The following XKR9 variants were observed in gnomAD, a reference collection of about 807,000 sequenced individuals.
The protein encoded by XKR9 is XK related 9.
In XKR9, 32 loss-of-function variants were observed where a neutral mutation model predicts 32.0. The observed-to-expected ratio is 1.00, with a 90% CI of 0.76 to 1.34. The LOEUF (loss-of-function observed/expected upper bound fraction) is 1.34, where lower values mean the gene tolerates loss of function less well. Ranked by LOEUF, XKR9 falls within the 40% of genes most tolerant of loss-of-function variation. The pLI, the probability that XKR9 is intolerant of heterozygous loss-of-function variation, is 0.00. For missense variants in XKR9, 546 were observed against 429.7 expected (o/e 1.27, Z -2.39); for synonymous variants, 168 against 143.4 (o/e 1.17, Z -1.22).
chr8:70,759,594 T>C (rs1807279371), intron 2 of XKR9, among the ~76,000 whole-genome samples: 1 of 152,178 alleles, frequency 6.6e-6, no homozygotes. Flanking sequence ...GTATTTTCAG[T>C]AGGTTAAATT....
chr8:70,813,627 C>A, the XKR9 span, among the ~76,000 whole-genome samples: 221 of 152,136 alleles, frequency 1.5e-3, no homozygotes, highest in Non-Finnish European at 2.7e-3. Flanking sequence ...AACAAGTGGG[C>A]AAAGGATATG....
intron 2 of XKR9, among the ~76,000 whole-genome samples, chr8:70,778,913 C>CT (rs1807571850): frequency 6.6e-6 from 1 of 152,040 alleles, no homozygotes; most frequent in East Asian, 1.9e-4. Flanking sequence ...ATTTGACTTC[C>CT]TTTTTTCCTA....
At chr8:70,930,272 G>A in the XKR9 span, among the ~76,000 whole-genome samples, 1 of 152,138 alleles carries the variant, frequency 6.6e-6, no homozygotes, top group Non-Finnish European at 1.5e-5. Context: ...ATATGTAGCT[G>A]AGATGGGCTC....
At chr8:70,974,405 A>T in the XKR9 span, among the ~76,000 whole-genome samples, 1 of 152,006 alleles carries the variant, frequency 6.6e-6, no homozygotes, top group Non-Finnish European at 1.5e-5. Flanking sequence ...CCACCACCCC[A>T]TGACAGGCCC....
At chr8:70,711,392 GA>G (rs1370460255) in intron 4 of XKR9, among the ~76,000 whole-genome samples, 27 of 152,126 alleles carry the variant, frequency 1.8e-4, no homozygotes, top group Admixed American at 1.7e-3. Flanking sequence ...AATCAGTTGT[GA>G]ATTGGATAAA....
chr8:70,951,105 G>A, the XKR9 span, among the ~76,000 whole-genome samples: 3 of 152,082 alleles, frequency 2.0e-5, no homozygotes, highest in African/African-American at 7.2e-5. Flanking sequence ...TTTACTTCAG[G>A]ATGCCTTTAG....
rs1806825631 is a variant in XKR9, at chr8:70,735,216, G to C, written c.*792G>C. 6.6e-6 allele frequency: 1 copy of C among 151,574 alleles called. No homozygotes were observed. Among genetic ancestry groups the C allele is most frequent in the African/African-American group, 2.4e-5 (1 of 41,178 alleles). The allele number at this position is 151,574 out of a possible 1,614,324, so 9.4% of individuals were successfully genotyped here. A position where few individuals can be genotyped will look rare whatever the true frequency, so the allele number is the denominator to read the frequency against. On this transcript the variant is annotated 3_prime_UTR_variant, in exon 5 of 5. Coordinates refer to ENST00000408926, the MANE Select transcript of XKR9 (RefSeq NM_001011720.2). ...CAGATCTCAAGGACTTTTTCACCTTGTAAAACTAAGATTCTCTATTTATTG... is the reference window on the plus strand; with the variant it reads ...CAGATCTCAAGGACTTTTTCACCTTCTAAAACTAAGATTCTCTATTTATTG...
At chr8:71,022,442 T>G in the XKR9 span, among the ~76,000 whole-genome samples, 5 of 152,132 alleles carry the variant, frequency 3.3e-5, no homozygotes, top group African/African-American at 1.2e-4. Context: ...TTAAATATAT[T>G]ATCCCACTCT....
At chr8:70,743,350 T>C (rs983366869) in intron 2 of XKR9, among the ~76,000 whole-genome samples, 8 of 152,344 alleles carry the variant, frequency 5.3e-5, no homozygotes, top group Admixed American at 2.0e-4. Context: ...CTTTAAAATC[T>C]GTCCACTAAT....
chr8:70,846,393 G>A, the XKR9 span, among the ~76,000 whole-genome samples: 1 of 151,860 alleles, frequency 6.6e-6, no homozygotes, highest in Non-Finnish European at 1.5e-5. Context: ...AAACACAAAT[G>A]AAGAGAAAGG....
At chr8:71,019,767 A>C in the XKR9 span, among the ~76,000 whole-genome samples, 4 of 152,312 alleles carry the variant, frequency 2.6e-5, no homozygotes, top group African/African-American at 9.6e-5. Flanking sequence ...GTTATCCATT[A>C]AGGTGAAAGC....
the XKR9 span, among the ~76,000 whole-genome samples, chr8:70,916,924 T>C: frequency 3.9e-5 from 6 of 152,108 alleles, no homozygotes; most frequent in Non-Finnish European, 7.4e-5. Flanking sequence ...ATGTTTTTAA[T>C]GCTAATGTAA....
At chr8:71,019,828 G>A in the XKR9 span, among the ~76,000 whole-genome samples, 1 of 152,174 alleles carries the variant, frequency 6.6e-6, no homozygotes, top group African/African-American at 2.4e-5. Context: ...TACCTCCAGG[G>A]AAGCACATAT....
chr8:70,853,076 T>C, the XKR9 span, among the ~76,000 whole-genome samples: 1 of 152,136 alleles, frequency 6.6e-6, no homozygotes, highest in Non-Finnish European at 1.5e-5. Flanking sequence ...AAAAAGAATG[T>C]CATTCTATAA....
Position 70,735,100 on chromosome 8 carries a change from T to A in XKR9, c.*676T>A, listed in dbSNP as rs907708091. The A allele has an allele frequency of 2.0e-5, 3 of 152,232 alleles. No individual in the cohort carries two copies. The highest frequency in any genetic ancestry group is 2.1e-4 in the South Asian group (1 of 4,828). 9.4% of individuals were successfully genotyped at this position (152,232 alleles called of 1,614,324 possible). On this transcript the variant is annotated 3_prime_UTR_variant, in exon 5 of 5. Coordinates refer to ENST00000408926, the MANE Select transcript of XKR9 (RefSeq NM_001011720.2). ...CATATTTTAAAATTATTTTTATTTT[T>A]AAAAAATTATGGTAAAAACATATAA...
the XKR9 span, among the ~76,000 whole-genome samples, chr8:70,909,614 G>A: frequency 6.6e-6 from 1 of 150,578 alleles, no homozygotes; most frequent in Non-Finnish European, 1.5e-5. Flanking sequence ...CTGCACTCCA[G>A]CCTGTGTGAC....
At chr8:70,809,448 G>A in the XKR9 span, among the ~76,000 whole-genome samples, 1 of 152,236 alleles carries the variant, frequency 6.6e-6, no homozygotes, top group Non-Finnish European at 1.5e-5. Flanking sequence ...GACGGAGAAT[G>A]ACTTTGATGA....
chr8:70,927,216 A>G, the XKR9 span, among the ~76,000 whole-genome samples: 1 of 151,968 alleles, frequency 6.6e-6, no homozygotes, highest in African/African-American at 2.4e-5. Context: ...CAGTCTAGGG[A>G]GACAAGCAGA....
chr8:70,742,469 A>T (rs1387600823), intron 2 of XKR9, among the ~76,000 whole-genome samples: 1 of 152,240 alleles, frequency 6.6e-6, no homozygotes, highest in Non-Finnish European at 1.5e-5. Context: ...AAGACTTTGA[A>T]TCATAAAGTG....
Sources: allele counts gnomAD v4.1 joint callset (sites outside exome capture counted in the v4.1 genomes callset), GRCh38; gene constraint gnomAD v4.1.1; transcripts MANE v1.5; gene names NCBI Gene and HGNC (gene_info 2026-07-23, HGNC 2026-07-21).